Variants in RTCB observed in about 807,000 individuals in gnomAD.
The protein encoded by RTCB is RNA 2',3'-cyclic phosphate and 5'-OH ligase.
In RTCB, 32 loss-of-function variants were observed where a neutral mutation model predicts 58.2. The observed-to-expected ratio is 0.55, with a 90% confidence interval of 0.41 to 0.74. RTCB has a LOEUF of 0.74. RTCB is among the 30% of genes least tolerant of loss of function. RTCB has a pLI of 0.00. For missense variants in RTCB, 523 were observed against 639.0 expected (o/e 0.82, Z 1.96); for synonymous variants, 247 against 218.6 (o/e 1.13, Z -1.15).
intron 6 of RTCB, 38 bp from the exon 7 acceptor site, chr22:32,398,138 T>A: frequency 6.3e-7 from 1 of 1,581,204 alleles, no homozygotes; most frequent in Non-Finnish European, 8.5e-7. Flanking sequence ...TAGTTTTTAT[T>A]CCAGTTTTTT....
intron 2 of RTCB, 47 bp downstream of exon 2, chr22:32,408,708 G>A: frequency 7.3e-7 from 1 of 1,368,528 alleles, no homozygotes; most frequent in Non-Finnish European, 1.0e-6. Context: ...TCAGGCCACA[G>A]GGAAGGCACT....
chr22:32,408,633 A>T, intron 2 of RTCB, 122 bp downstream of exon 2: 1 of 734,646 alleles, frequency 1.4e-6, no homozygotes, highest in South Asian at 1.7e-5. Context: ...TTTTGGTCTT[A>T]CTTTTAAGTT....
At chr22:32,399,057 T>A (rs1933291234) in intron 6 of RTCB, among the ~76,000 whole-genome samples, 2 of 152,194 alleles carry the variant, frequency 1.3e-5, no homozygotes, top group Non-Finnish European at 2.9e-5. Context: ...ACTGTCAAAA[T>A]ATGTATATAT....
chr22:32,408,123 T>C, intron 3 of RTCB, 52 bp downstream of exon 3: 1 of 1,500,968 alleles, frequency 6.7e-7, no homozygotes, highest in South Asian at 1.1e-5. Flanking sequence ...CATTCATCCA[T>C]TCAATGGACT....
In RTCB at chr22:32,394,017, A is replaced by G. The variant is rs761572342; in HGVS notation, c.1180-15T>C. On this transcript the variant is annotated splice_polypyrimidine_tract_variant and intron_variant, in intron 9 of 11. Coordinates refer to ENST00000216038, the MANE Select transcript of RTCB (RefSeq NM_014306.5). ...TGTCCAGTGAGCTGAGGATGCACAT[A>G]AATCAAACATGTTAAAATTCAGAAA... 2 of 1,539,474 alleles carry G rather than the reference A, an allele frequency of 1.3e-6. No individual in the cohort carries two copies. Among genetic ancestry groups the G allele is most frequent in the African/African-American group, 2.7e-5 (2 of 73,456 alleles).
chr22:32,405,931 T>C (rs1192468282), intron 4 of RTCB, among the ~76,000 whole-genome samples: 1 of 152,208 alleles, frequency 6.6e-6, no homozygotes, highest in African/African-American at 2.4e-5. Flanking sequence ...TTCAATGTTA[T>C]CATTGAATAA....
chr22:32,398,780 T>C (rs1933287559), intron 6 of RTCB, among the ~76,000 whole-genome samples: 1 of 152,210 alleles, frequency 6.6e-6, no homozygotes, highest in Non-Finnish European at 1.5e-5. Flanking sequence ...TATGAGTTCA[T>C]GGACATCCAC....
chr22:32,406,005 G>A (rs930598548), intron 4 of RTCB, among the ~76,000 whole-genome samples: 1 of 152,072 alleles, frequency 6.6e-6, no homozygotes, highest in African/African-American at 2.4e-5. Flanking sequence ...TTACACAGCT[G>A]AACTCATCTA....
At position 32,397,921 on chromosome 22, in the gene RTCB, G is replaced by A; in HGVS notation, c.814+20C>T. 5.1e-6 allele frequency: 8 copies of A among 1,582,424 alleles called. No homozygotes were observed. Among genetic ancestry groups the A allele is most frequent in the Non-Finnish European group, 6.9e-6 (8 of 1,167,540 alleles). ...GGTTGCCCATAAAATGTACATTTTA[G>A]CACAAAGTCTAGAATATACCTGTGG... is the stretch of plus-strand genomic sequence containing the variant. On this transcript the variant is annotated intron_variant, in intron 7 of 11. Transcript: ENST00000216038.
chr22:32,400,697 A>T (rs985210151), intron 5 of RTCB, among the ~76,000 whole-genome samples: 17 of 152,030 alleles, frequency 1.1e-4, no homozygotes, highest in African/African-American at 4.1e-4. Context: ...TTACTTAGGT[A>T]TTTTTTTTGG....
intron 5 of RTCB, chr22:32,400,132 A>G: frequency 6.0e-6 from 1 of 167,474 alleles, no homozygotes; most frequent in Middle Eastern, 5.1e-4. Context: ...ACAACTCTGT[A>G]ACCTTAATCA....
intron 1 of RTCB, among the ~76,000 whole-genome samples, chr22:32,411,634 T>C (rs932809348): frequency 3.3e-5 from 5 of 152,216 alleles, no homozygotes; most frequent in Non-Finnish European, 7.3e-5. Flanking sequence ...AACAAAGGTT[T>C]GTAAACGTTA....
intron 4 of RTCB, among the ~76,000 whole-genome samples, chr22:32,402,816 GCT>G (rs761716023): frequency 6.6e-6 from 1 of 152,094 alleles, no homozygotes; most frequent in Non-Finnish European, 1.5e-5. Context: ...AGTAATCATA[GCT>G]CACAGCAGCC....
In RTCB at chr22:32,396,063, T is replaced by C. The variant is rs755847917; in HGVS notation, c.990+11A>G. On this transcript the variant is annotated intron_variant, in intron 8 of 11. Coordinates refer to ENST00000216038, the MANE Select transcript of RTCB (RefSeq NM_014306.5). The stretch of plus-strand genomic sequence containing the variant: ...GAATGACTCGGAACAGAAGAGCAAC[T>C]TCTACTGTACCTGACGGGTTAAGAA... The C allele has an allele frequency of 1.2e-6, 2 of 1,612,962 alleles. No individual in the cohort carries two copies. Among genetic ancestry groups the C allele is most frequent in the Non-Finnish European group, 1.7e-6 (2 of 1,179,232 alleles).
At chr22:32,405,441 T>A (rs1479883654) in intron 4 of RTCB, among the ~76,000 whole-genome samples, 1 of 152,088 alleles carries the variant, frequency 6.6e-6, no homozygotes, top group Non-Finnish European at 1.5e-5. Context: ...AAAAAATGTA[T>A]ACTCTGCACT....
intron 4 of RTCB, among the ~76,000 whole-genome samples, chr22:32,403,731 A>G (rs145308670): frequency 9.8e-5 from 15 of 152,298 alleles, no homozygotes; most frequent in Middle Eastern, 3.4e-3. Flanking sequence ...TGCAAAAGTA[A>G]TTGTGCTTTT....
At chr22:32,394,516 G>A (rs781030982) in intron 9 of RTCB, among the ~76,000 whole-genome samples, 3 of 152,156 alleles carry the variant, frequency 2.0e-5, no homozygotes, top group Non-Finnish European at 4.4e-5. Flanking sequence ...GTGAAAATCT[G>A]AGGACCAGTA....
At chr22:32,392,398 A>G (rs1487959683) in intron 10 of RTCB, 39 bp from the exon 11 acceptor site, 2 of 1,613,082 alleles carry the variant, frequency 1.2e-6, no homozygotes, top group East Asian at 4.5e-5. Flanking sequence ...TTAAACCCTA[A>G]GATGATAAGC....
chr22:32,393,433 GGT>G (rs1361963937), intron 10 of RTCB, among the ~76,000 whole-genome samples: 4 of 152,108 alleles, frequency 2.6e-5, no homozygotes, highest in Non-Finnish European at 4.4e-5. Flanking sequence ...TTTTGAAATG[GGT>G]GTGTGTGTAG....
Sources: allele counts gnomAD v4.1 joint callset (sites outside exome capture counted in the v4.1 genomes callset), GRCh38; gene constraint gnomAD v4.1.1; transcripts MANE v1.5; gene names NCBI Gene and HGNC (gene_info 2026-07-23, HGNC 2026-07-21).